MCFD2: variants seen among roughly 807,000 people sequenced by gnomAD.
MCFD2 encodes the protein multiple coagulation factor deficiency 2, ER cargo receptor complex subunit.
Under a neutral mutation model 12.8 loss-of-function variants are expected in MCFD2, and 11 were observed. The ratio of observed to expected loss-of-function variants is 0.86; its 90% CI spans 0.54 to 1.42. MCFD2 has a LOEUF of 1.42. Among genes scored for constraint, MCFD2 ranks in the 40% most tolerant of loss-of-function variants. The pLI is 0.00. For synonymous variants in MCFD2, 70 were observed against 68.1 expected (o/e 1.03, Z -0.14); for missense variants, 191 against 178.6 (o/e 1.07, Z -0.40).
chr2:46,916,188 T>G (rs1668780601), upstream of MCFD2: 11 of 981,968 alleles, frequency 1.1e-5, no homozygotes, highest in South Asian at 5.2e-4. Flanking sequence ...TCAGGTCTCT[T>G]GGTTCGTCCT....
chr2:46,915,270 G>C (rs1668673842), intron 1 of MCFD2, among the ~76,000 whole-genome samples: 1 of 152,212 alleles, frequency 6.6e-6, no homozygotes, highest in Admixed American at 6.5e-5. Context: ...TTCTGGCTTG[G>C]GCACCCGGGT....
chr2:46,914,160 G>A (rs1349361653), intron 1 of MCFD2: 1 of 152,368 alleles, frequency 6.6e-6, no homozygotes, highest in Non-Finnish European at 1.5e-5. Flanking sequence ...TCCCACAGCG[G>A]ATCTAGCCTA....
chr2:46,908,880 T>A lies in MCFD2; in HGVS notation c.149+143A>T. Reference sequence around the variant, plus strand: ...AGAATACCTGACTTATAGGTGGCAATAAGGAATAAGAATCATCCTTGAAGA... The same window carrying A: ...AGAATACCTGACTTATAGGTGGCAAAAAGGAATAAGAATCATCCTTGAAGA... On this transcript the variant is annotated intron_variant, in intron 2 of 3. Coordinates refer to ENST00000319466, the MANE Select transcript of MCFD2 (RefSeq NM_139279.6). The surrounding 1 kb of genome is among the most constrained non-coding windows in gnomAD (Gnocchi z 4.5). The A allele has an allele frequency of 9.0e-7, 1 of 1,112,182 alleles. No homozygotes were observed. The highest frequency in any genetic ancestry group is 1.4e-6 in the Non-Finnish European group (1 of 739,346). 68.9% of individuals were successfully genotyped at this position (1,112,182 alleles called of 1,614,324 possible). A position where few individuals can be genotyped will look rare whatever the true frequency, so the allele number is the denominator to read the frequency against.
chr2:46,941,445 C>T lies in MCFD2; in HGVS notation c.-8+127G>A, dbSNP rs1670365761. ...GGGCCCCGGCTGCCGTCTGCGCCCC[C>T]GTCGACCCCGCCCGCGAGTGCGCCC... On this transcript the variant is annotated intron_variant, in intron 1 of 2. Transcript: ENST00000409147. The surrounding 1 kb of genome is among the most constrained non-coding windows in gnomAD (Gnocchi z 4.2). The T allele has an allele frequency of 2.2e-6, 3 of 1,354,030 alleles. No individual in the cohort carries two copies. The highest frequency in any genetic ancestry group is 2.9e-6 in the Non-Finnish European group (3 of 1,034,834). The allele number at this position is 1,354,030 out of a possible 1,614,324, so 83.9% of individuals were successfully genotyped here.
At chr2:46,933,699 T>C (rs1002870521) in intron 1 of MCFD2, among the ~76,000 whole-genome samples, 1 of 152,240 alleles carries the variant, frequency 6.6e-6, no homozygotes, top group Non-Finnish European at 1.5e-5. Context: ...TACATAAAGT[T>C]GGGAAGGCAG....
At chr2:46,915,899 G>C, upstream of MCFD2, 2 of 984,612 alleles carry the variant, frequency 2.0e-6, no homozygotes, top group Non-Finnish European at 2.4e-6. Flanking sequence ...GCTGGCGGCG[G>C]CGGGCTGTGA....
chr2:46,930,834 T>G (rs79467847), intron 1 of MCFD2, among the ~76,000 whole-genome samples: 4,179 of 152,268 alleles, frequency 0.027, 111 homozygotes, highest in African/African-American at 0.067. Context: ...ATCCAATCAG[T>G]AATTTTTAAA....
chr2:46,929,257 G>GA (rs960441118), intron 1 of MCFD2, among the ~76,000 whole-genome samples: 26 of 152,252 alleles, frequency 1.7e-4, no homozygotes, highest in African/African-American at 6.0e-4. Flanking sequence ...GCTAAGGTAG[G>GA]AAGACTGCTT....
chr2:46,935,394 T>C (rs568833812), intron 1 of MCFD2, among the ~76,000 whole-genome samples: 1 of 152,234 alleles, frequency 6.6e-6, no homozygotes, highest in South Asian at 2.1e-4. Context: ...TAAACTCCTT[T>C]CTTGCCACTG....
intron 1 of MCFD2, among the ~76,000 whole-genome samples, chr2:46,923,154 G>GT (rs1344605452): frequency 6.6e-6 from 1 of 152,158 alleles, no homozygotes; most frequent in Non-Finnish European, 1.5e-5. Context: ...GCCTCCATGT[G>GT]TTCAGCTCTC....
At chr2:46,932,021 AG>A (rs1669732229) in intron 1 of MCFD2, among the ~76,000 whole-genome samples, 1 of 152,238 alleles carries the variant, frequency 6.6e-6, no homozygotes, top group African/African-American at 2.4e-5. Context: ...AATCTCAGTA[AG>A]TGCAAAGAAG....
At chr2:46,905,694 T>TAA in intron 3 of MCFD2, 100 bp from the exon 4 acceptor site, 2 of 637,588 alleles carry the variant, frequency 3.1e-6, no homozygotes, top group Non-Finnish European at 4.7e-6. Context: ...GCACTGTTTA[T>TAA]TAAAAAAAAA....
upstream of MCFD2, chr2:46,915,806 G>GGGGGGGGGGGGGGGGGGGGGGGGGGCCCC: frequency 2.0e-6 from 1 of 512,582 alleles, no homozygotes; most frequent in South Asian, 1.2e-4. Flanking sequence ...CCTCGGCTTC[G>GGGGGGGGGGGGGGGGGGGGGGGGGGCCCC]CCCCGCCCCC....
intron 1 of MCFD2, among the ~76,000 whole-genome samples, chr2:46,938,469 T>G (rs56213467): frequency 0.072 from 10,965 of 152,166 alleles, 743 homozygotes; most frequent in African/African-American, 0.17. Flanking sequence ...TCTTCTACTT[T>G]GTGACACTAT....
chr2:46,912,813 G>C (rs1402956091), intron 1 of MCFD2, among the ~76,000 whole-genome samples: 1 of 152,250 alleles, frequency 6.6e-6, no homozygotes, highest in Non-Finnish European at 1.5e-5. Flanking sequence ...GCCTGGAACA[G>C]AAGCTGCTGG....
chr2:46,917,353 C>A (rs1668864810), upstream of MCFD2: 1 of 600,870 alleles, frequency 1.7e-6, no homozygotes, highest in Non-Finnish European at 2.9e-6. Context: ...TTCTTCTTTC[C>A]TTACTCTGAA....
At position 46,934,787 on chromosome 2, in the gene MCFD2, C is replaced by CTTTTTTTTTT. The variant is rs1161003607; in HGVS notation, c.-8+6775_-8+6784dup. Among the ~76,000 whole-genome samples the CTTTTTTTTTT allele has an allele frequency of 2.3e-3, 155 of 66,910 alleles. 17 individuals carry two copies. The highest frequency in any genetic ancestry group is 3.5e-3 in the Non-Finnish European group (130 of 37,308). The allele number at this position is 66,910 out of a possible 152,430, so 43.9% of individuals were successfully genotyped here. ...GGAATAAGGTATGAAGACTACTGCT[C>CTTTTTTTTTT]TTTTTTTTTTTTTTTTTTTTTTTTT... On this transcript the variant is annotated intron_variant, in intron 1 of 2. Coordinates refer to the MCFD2 transcript ENST00000409147.
At chr2:46,939,516 A>G (rs1478060253) in intron 1 of MCFD2, among the ~76,000 whole-genome samples, 1 of 152,128 alleles carries the variant, frequency 6.6e-6, no homozygotes, top group Non-Finnish European at 1.5e-5. Flanking sequence ...AGTATTGGTG[A>G]CCCCCTTAAA....
Position 46,904,141 on chromosome 2 carries a change from A to G in MCFD2, c.*1322T>C, listed in dbSNP as rs1338135912. Reference sequence around the variant, plus strand: ...ACAGAAGTCAAGAATTGAGATTTGGAAACCTCCGCCTAGTTTTCAGAAGAT... The same window carrying G: ...ACAGAAGTCAAGAATTGAGATTTGGGAACCTCCGCCTAGTTTTCAGAAGAT... On this transcript the variant is annotated 3_prime_UTR_variant, in exon 4 of 4. Transcript: ENST00000319466. 8 of 152,370 alleles carry G rather than the reference A, an allele frequency of 5.3e-5. No homozygotes were observed. The highest frequency in any genetic ancestry group is 1.3e-4 in the Admixed American group (2 of 15,308). The allele number at this position is 152,370 out of a possible 1,614,324, so 9.4% of individuals were successfully genotyped here.
Sources: gnomAD v4.1 joint callset for allele counts (sites outside exome capture counted in the v4.1 genomes callset) on GRCh38, gnomAD v4.1.1 for gene constraint, Gnocchi (gnomAD v3.1) non-coding constraint, MANE v1.5 for transcripts, NCBI Gene and HGNC (gene_info 2026-07-23, HGNC 2026-07-21) for gene names.